TEX11: variants seen among roughly 807,000 people sequenced by gnomAD.
The protein encoded by TEX11 is testis-expressed protein 11.
Under a neutral mutation model 84.4 loss-of-function variants are expected in TEX11, and 7 were observed. The ratio of observed to expected loss-of-function variants is 0.08; its 90% confidence interval spans 0.05 to 0.16. TEX11 has a LOEUF of 0.16. Among genes scored for constraint, TEX11 ranks in the 10% least tolerant of loss-of-function variants. TEX11 has a pLI of 1.00. For synonymous variants in TEX11, 264 were observed against 222.8 expected, an observed-to-expected ratio of 1.18 and a Z score of -1.64; for missense variants, 551 against 660.5, an observed-to-expected ratio of 0.83 and a Z score of 1.82.
At chrX:70,608,739 TCAAAA>T (rs2089224776) in intron 22 of TEX11, among the ~76,000 whole-genome samples, 1 of 40,396 alleles carries the variant, frequency 2.5e-5, no homozygotes, top group African/African-American at 1.1e-4. Flanking sequence ...AGACTCCATC[TCAAAA>T]AAAAAAAAAA....
chrX:70,669,322 T>A (rs1221882005), intron 16 of TEX11, among the ~76,000 whole-genome samples: 1 of 112,001 alleles, frequency 8.9e-6, no homozygotes, highest in Non-Finnish European at 1.9e-5. Context: ...ATGGAAGTTA[T>A]AAAGGCTCTG....
intron 15 of TEX11, among the ~76,000 whole-genome samples, chrX:70,674,106 A>C (rs1421227376): frequency 1.8e-5 from 2 of 109,962 alleles, no homozygotes; most frequent in Admixed American, 9.7e-5. Flanking sequence ...TTGTGTTCAT[A>C]AGTTCTTATC....
intron 25 of TEX11, among the ~76,000 whole-genome samples, chrX:70,568,333 C>A (rs1186251630): frequency 1.8e-5 from 2 of 110,761 alleles, no homozygotes; most frequent in Non-Finnish European, 3.8e-5. Context: ...GAATACAGCA[C>A]ATTGATGGGT....
intron 9 of TEX11, among the ~76,000 whole-genome samples, chrX:70,764,809 T>C (rs1407087982): frequency 9.0e-6 from 1 of 111,272 alleles, no homozygotes; most frequent in Non-Finnish European, 1.9e-5. Context: ...CAACAACAAG[T>C]AATGAGATCA....
intron 17 of TEX11, among the ~76,000 whole-genome samples, chrX:70,649,950 A>G (rs778052266): frequency 1.8e-5 from 2 of 111,970 alleles, no homozygotes; most frequent in Non-Finnish European, 1.9e-5. Flanking sequence ...GTATTTCCAT[A>G]CTATGGAATG....
intron 25 of TEX11, among the ~76,000 whole-genome samples, chrX:70,579,510 CAAAAAAAACAAAAAAA>C (rs2088736675): frequency 1.0e-4 from 1 of 9,602 alleles, no homozygotes; most frequent in African/African-American, 2.1e-4. Context: ...AACAAAAAAA[CAAAAAAAACAAAAAAA>C]AAAAAAAACA....
chrX:70,817,965 T>C (rs754989118), intron 8 of TEX11, among the ~76,000 whole-genome samples: 1 of 110,502 alleles, frequency 9.0e-6, no homozygotes, highest in African/African-American at 3.3e-5. Flanking sequence ...CCCTAGTGTC[T>C]CCACAAAAGC....
chrX:70,882,226 G>T (rs1436838569), intron 2 of TEX11, among the ~76,000 whole-genome samples: 1 of 110,551 alleles, frequency 9.0e-6, no homozygotes, highest in African/African-American at 3.3e-5. Context: ...TTTTAAAATT[G>T]ATGTTTTTAA....
At chrX:70,639,948 A>G (rs1213512287) in intron 17 of TEX11, among the ~76,000 whole-genome samples, 4 of 111,811 alleles carry the variant, frequency 3.6e-5, no homozygotes, top group Non-Finnish European at 7.5e-5. Flanking sequence ...AGAGAAGAAG[A>G]CTTCAGACGA....
At chrX:70,785,925 T>A (rs1271839309) in intron 9 of TEX11, among the ~76,000 whole-genome samples, 1 of 111,821 alleles carries the variant, frequency 8.9e-6, no homozygotes, top group Non-Finnish European at 1.9e-5. Context: ...TCCTCAAGGA[T>A]CTAGAACTAG....
intron 9 of TEX11, among the ~76,000 whole-genome samples, chrX:70,793,945 T>C (rs1284726563): frequency 4.5e-5 from 5 of 110,274 alleles, no homozygotes; most frequent in Admixed American, 3.9e-4. Context: ...TAGAGGGAGA[T>C]AGAGCAAGAT....
At chrX:70,696,473 T>C (rs2090281585) in intron 13 of TEX11, among the ~76,000 whole-genome samples, 1 of 111,985 alleles carries the variant, frequency 8.9e-6, no homozygotes, top group Non-Finnish European at 1.9e-5. Context: ...AACTTAGTGA[T>C]TTAAAACAAA....
At chrX:70,639,912 G>A (rs1301767745) in intron 17 of TEX11, among the ~76,000 whole-genome samples, 1 of 112,050 alleles carries the variant, frequency 8.9e-6, no homozygotes, top group Non-Finnish European at 1.9e-5. Flanking sequence ...GAACAAAGCT[G>A]GACGGAGAAG....
rs1050381527 is a variant in TEX11, at chrX:70,865,130, G to C, written c.245-4194C>G. The stretch of plus-strand genomic sequence containing the variant: ...TTGGATAACGAGTCAAGACCCATCA[G>C]TGTGCTGTATTCAGGAGAACCATCT... On this transcript the variant is annotated intron_variant, in intron 4 of 29. Coordinates refer to ENST00000374333, the MANE Select transcript of TEX11 (RefSeq NM_031276.3). Among the ~76,000 whole-genome samples the C allele has an allele frequency of 2.7e-5, 3 of 111,433 alleles. No homozygotes were observed. The Admixed American group carries it at 2.9e-4, about 11-fold the overall frequency.
intron 16 of TEX11, among the ~76,000 whole-genome samples, chrX:70,660,034 C>T (rs1470886471): frequency 8.9e-6 from 1 of 112,189 alleles, no homozygotes; most frequent in Non-Finnish European, 1.9e-5. Flanking sequence ...GTACTGAATA[C>T]TGTAGGCAAT....
chrX:70,723,993 C>T (rs778879490), intron 12 of TEX11: 2 of 610,424 alleles, frequency 3.3e-6, no homozygotes, highest in Admixed American at 1.8e-4. Flanking sequence ...GACATTGCAA[C>T]TTCGGGAGTA....
intron 25 of TEX11, among the ~76,000 whole-genome samples, chrX:70,556,354 C>T (rs2088286436): frequency 9.0e-6 from 1 of 110,913 alleles, no homozygotes; most frequent in African/African-American, 3.3e-5. Context: ...CTAATTTCCC[C>T]TGTCACTTCC....
At chrX:70,551,398 C>T (rs1450647688) in intron 28 of TEX11, among the ~76,000 whole-genome samples, 1 of 110,942 alleles carries the variant, frequency 9.0e-6, no homozygotes, top group Non-Finnish European at 1.9e-5. Flanking sequence ...AATTGAATTG[C>T]TTGTAACACA....
At chrX:70,567,064 TA>T (rs1416064477) in intron 25 of TEX11, among the ~76,000 whole-genome samples, 2 of 111,435 alleles carry the variant, frequency 1.8e-5, no homozygotes, top group Admixed American at 1.9e-4. Flanking sequence ...AGCTATTGAT[TA>T]TTGCCACAAT....
Sources: gnomAD v4.1 joint callset for allele counts (sites outside exome capture counted in the v4.1 genomes callset) on GRCh38, gnomAD v4.1.1 for gene constraint, MANE v1.5 for transcripts, NCBI Gene and HGNC (gene_info 2026-07-23, HGNC 2026-07-21) for gene names.